PCDH11X: variants seen among roughly 807,000 people sequenced by gnomAD.
The protein encoded by PCDH11X is protocadherin 11 X-linked, also known as protocadherin-11 X-linked.
Under a neutral mutation model 53.3 loss-of-function variants are expected in PCDH11X, and 18 were observed. That is an observed-to-expected ratio of 0.34 (90% CI 0.23 to 0.50). The LOEUF (loss-of-function observed/expected upper bound fraction) is 0.50. Ranked by LOEUF, PCDH11X falls within the 20% of genes least tolerant of loss-of-function variation. The pLI is 0.98. For synonymous variants in PCDH11X, 279 were observed against 393.3 expected (o/e 0.71, Z 3.44); for missense variants, 570 against 1,032.4 (o/e 0.55, Z 6.14).
chrX:92,457,115 T>G (rs111695155), intron 9 of PCDH11X, among the ~76,000 whole-genome samples: 22,706 of 109,377 alleles, frequency 0.21, 1,770 homozygotes, highest in African/African-American at 0.25. Flanking sequence ...TTTTATTCCA[T>G]TCCTTTGTTA....
At chrX:92,427,111 C>A (rs2072136271) in intron 9 of PCDH11X, among the ~76,000 whole-genome samples, 1 of 110,815 alleles carries the variant, frequency 9.0e-6, no homozygotes, top group Non-Finnish European at 1.9e-5. Flanking sequence ...TTTTCCTCTT[C>A]TTTAAGAAAG....
chrX:92,358,625 A>G (rs1180058539), intron 8 of PCDH11X, among the ~76,000 whole-genome samples: 1 of 102,568 alleles, frequency 9.7e-6, no homozygotes, highest in Non-Finnish European at 2.0e-5. Context: ...GACTTAAATT[A>G]CTTTATTTCT....
intron 6 of PCDH11X, among the ~76,000 whole-genome samples, chrX:92,127,222 A>T (rs1602998565): frequency 1.8e-5 from 2 of 109,697 alleles, no homozygotes; most frequent in Non-Finnish European, 3.8e-5. Context: ...AAATATTAAT[A>T]GGTGCTGTAA....
At chrX:91,828,224 A>G in intron 4 of PCDH11X, among the ~76,000 whole-genome samples, 1 of 104,410 alleles carries the variant, frequency 9.6e-6, no homozygotes, top group Non-Finnish European at 1.9e-5. Flanking sequence ...GGTTCACGCC[A>G]TTCTCCTGCC....
intron 8 of PCDH11X, among the ~76,000 whole-genome samples, chrX:92,312,362 A>C (rs997050168): frequency 9.0e-6 from 1 of 110,849 alleles, no homozygotes; most frequent in Non-Finnish European, 1.9e-5. Flanking sequence ...TAGTATGAAA[A>C]AAATTTATTA....
intron 6 of PCDH11X, among the ~76,000 whole-genome samples, chrX:91,913,001 G>A (rs2050479818): frequency 1.8e-5 from 2 of 111,793 alleles, no homozygotes; most frequent in South Asian, 7.5e-4. Flanking sequence ...GAAGTCACAT[G>A]AGGTATAAAA....
intron 1 of PCDH11X, among the ~76,000 whole-genome samples, chrX:91,780,685 A>G (rs1935103926): frequency 8.9e-6 from 1 of 112,782 alleles, no homozygotes; most frequent in Non-Finnish European, 1.9e-5. Flanking sequence ...CGAGAAAAGT[A>G]ATGTACCTTT....
rs752416293 is a variant in PCDH11X at position 92,403,318 on chromosome X, C to CACT, written c.3343+15385_3343+15386insACT. ...ATACGTGTGTACTGGGATATGTGTC[C>CACT]GGGCATTTACGTTTTTTTTTGTTTT... On this transcript the variant is annotated intron_variant, in intron 9 of 10. Transcript: ENST00000682573. 6.1e-4 allele frequency among the ~76,000 whole-genome samples: 54 copies of CACT among 88,404 alleles called. No homozygotes were observed. The East Asian group carries it at 0.018, about 30-fold the overall frequency. 76.8% of individuals were successfully genotyped at this position (88,404 alleles called of 115,157 possible). A position where few individuals can be genotyped will look rare whatever the true frequency, so the allele number is the denominator to read the frequency against.
chrX:92,576,136 G>A (rs1922935389), intron 10 of PCDH11X, among the ~76,000 whole-genome samples: 1 of 101,932 alleles, frequency 9.8e-6, no homozygotes, highest in South Asian at 4.6e-4. Flanking sequence ...TCGTCATTAT[G>A]CAGCGACTTT....
intron 6 of PCDH11X, among the ~76,000 whole-genome samples, chrX:92,076,268 TA>T (rs749322500): frequency 9.2e-6 from 1 of 108,116 alleles, no homozygotes; most frequent in Non-Finnish European, 1.9e-5. Context: ...GAATTCTTTT[TA>T]TAACATTTTG....
intron 6 of PCDH11X, among the ~76,000 whole-genome samples, chrX:91,974,815 C>T (rs1215377011): frequency 9.1e-6 from 1 of 109,518 alleles, no homozygotes; most frequent in Admixed American, 9.7e-5. Context: ...TGCAATGGCC[C>T]GATCTCGGCT....
chrX:92,204,745 C>G (rs1336950526), intron 7 of PCDH11X, among the ~76,000 whole-genome samples: 2 of 111,979 alleles, frequency 1.8e-5, no homozygotes. Context: ...TCCGTTCTCA[C>G]GCTGCTATGA....
intron 6 of PCDH11X, among the ~76,000 whole-genome samples, chrX:91,904,139 C>T (rs1175849451): frequency 9.0e-6 from 1 of 110,922 alleles, no homozygotes; most frequent in Non-Finnish European, 1.9e-5. Flanking sequence ...GGATTAAATA[C>T]TTTGAAATGT....
chrX:92,048,932 A>G (rs2063330341), intron 6 of PCDH11X, among the ~76,000 whole-genome samples: 1 of 112,240 alleles, frequency 8.9e-6, no homozygotes, highest in African/African-American at 3.2e-5. Flanking sequence ...GGAAAACTCT[A>G]AGTGAAGGCT....
At chrX:92,524,590 T>C (rs1208327158) in intron 10 of PCDH11X, among the ~76,000 whole-genome samples, 1 of 106,171 alleles carries the variant, frequency 9.4e-6, no homozygotes, top group Non-Finnish European at 1.9e-5. Flanking sequence ...AAAAAAAGAT[T>C]TGTGTTTAGT....
intron 6 of PCDH11X, among the ~76,000 whole-genome samples, chrX:91,962,874 C>T (rs1368782311): frequency 2.7e-5 from 3 of 111,718 alleles, no homozygotes; most frequent in South Asian, 7.6e-4. Context: ...GGCTTGCATC[C>T]TCCAAAGTAA....
intron 6 of PCDH11X, among the ~76,000 whole-genome samples, chrX:91,999,080 T>C (rs1049108171): frequency 1.0e-4 from 11 of 108,686 alleles, no homozygotes; most frequent in Non-Finnish European, 1.9e-4. Flanking sequence ...TGTCCAACTA[T>C]TTTTAAATTT....
intron 7 of PCDH11X, among the ~76,000 whole-genome samples, chrX:92,259,354 G>A (rs1049402564): frequency 9.0e-6 from 1 of 111,515 alleles, no homozygotes; most frequent in African/African-American, 3.3e-5. Context: ...AAGCTGTATA[G>A]GAAGCTTAGT....
Position 92,511,743 on chromosome X carries a change from A to AT in PCDH11X, c.3367+43427dup, listed in dbSNP as rs747472813. ...ACTGTTTGTGACCAGACTTTCTTATATTTTTTAGGAAACAATTCAGTATAG... is the reference window on the plus strand; with the variant it reads ...ACTGTTTGTGACCAGACTTTCTTATATTTTTTTAGGAAACAATTCAGTATAG... On this transcript the variant is annotated intron_variant, in intron 10 of 10. Transcript: ENST00000682573. Among the ~76,000 whole-genome samples, 4 of 111,345 alleles carry AT rather than the reference A, an allele frequency of 3.6e-5. No homozygotes were observed. In the East Asian group the frequency reaches 1.1e-3, roughly 32 times the overall value.
Sources: allele counts gnomAD v4.1 joint callset (sites outside exome capture counted in the v4.1 genomes callset), GRCh38; gene constraint gnomAD v4.1.1; transcripts MANE v1.5; gene names NCBI Gene and HGNC (gene_info 2026-07-23, HGNC 2026-07-21).